HIP1: variants seen among roughly 807,000 people sequenced by gnomAD.
HIP1 encodes huntingtin interacting protein 1, also known as huntingtin-interacting protein 1.
Under a neutral mutation model 147.6 loss-of-function variants are expected in HIP1, and 65 were observed. The ratio of observed to expected loss-of-function variants is 0.44; its 90% CI spans 0.36 to 0.54. The LOEUF (loss-of-function observed/expected upper bound fraction) is 0.54, where lower values mean the gene tolerates loss of function less well. HIP1 is among the 20% of genes least tolerant of loss of function. The probability of loss-of-function intolerance (pLI) is 0.00; values close to 1 mark genes in which losing one functional copy is unlikely to be tolerated. For synonymous variants in HIP1, 479 were observed against 504.0 expected, an observed-to-expected ratio of 0.95 and a Z score of 0.67; for missense variants, 1,061 against 1,299.6, an observed-to-expected ratio of 0.82 and a Z score of 2.82.
intron 1 of HIP1, among the ~76,000 whole-genome samples, chr7:75,705,523 G>A (rs531980342): frequency 2.0e-5 from 3 of 151,958 alleles, no homozygotes; most frequent in East Asian, 1.9e-4. Flanking sequence ...GCCCACCACC[G>A]TGCCTGGCTG....
chr7:75,700,049 C>A (rs1554519072), intron 1 of HIP1, among the ~76,000 whole-genome samples: 1 of 152,136 alleles, frequency 6.6e-6, no homozygotes, highest in East Asian at 1.9e-4. Context: ...TAGGGTTTTG[C>A]CATGCTGGCC....
intron 1 of HIP1, among the ~76,000 whole-genome samples, chr7:75,607,228 G>GTT (rs202211589): frequency 4.7e-4 from 66 of 139,452 alleles, no homozygotes; most frequent in African/African-American, 1.6e-3. Flanking sequence ...GTTGTTTTTT[G>GTT]TTTTGTTTTT....
chr7:75,535,307 G>A lies in HIP1; in HGVS notation c.*2865C>T, dbSNP rs1424460339. ...CTGTCACTCAGGCTGGAGTGCAGTG[G>A]GAAATCATGGCTCATTGCAGCCTCA... On this transcript the variant is annotated 3_prime_UTR_variant, in exon 31 of 31. Coordinates refer to ENST00000336926, the MANE Select transcript of HIP1 (RefSeq NM_005338.7). 1.0e-5 allele frequency: 2 copies of A among 198,266 alleles called. No individual in the cohort carries two copies. The highest frequency in any genetic ancestry group is 6.0e-5 in the Admixed American group (1 of 16,538). 12.3% of individuals were successfully genotyped at this position (198,266 alleles called of 1,614,324 possible).
chr7:75,597,680 C>T (rs1796796159), intron 2 of HIP1, among the ~76,000 whole-genome samples: 1 of 136,794 alleles, frequency 7.3e-6, no homozygotes, highest in African/African-American at 2.8e-5. Context: ...GCGGAGGTTG[C>T]GGTGAGCTGA....
rs370470973 is a variant in HIP1 at position 75,669,201 on chromosome 7, T to TA, written c.120+69599dup. On this transcript the variant is annotated intron_variant, in intron 1 of 30. Coordinates refer to ENST00000336926, the MANE Select transcript of HIP1 (RefSeq NM_005338.7). ...TAACATGGTGAAACCCTGTCTATACTAAAAAAAAAAAAATACAAAAAATTA... is the reference window on the plus strand; with the variant it reads ...TAACATGGTGAAACCCTGTCTATACTAAAAAAAAAAAAAATACAAAAAATTA... Among the ~76,000 whole-genome samples the TA allele has an allele frequency of 2.6e-4, 39 of 149,802 alleles. 1 individual carries two copies. The East Asian group carries it at 4.4e-3, about 17-fold the overall frequency.
intron 4 of HIP1, among the ~76,000 whole-genome samples, chr7:75,591,533 C>T (rs1449096280): frequency 6.6e-6 from 1 of 151,918 alleles, no homozygotes; most frequent in Non-Finnish European, 1.5e-5. Flanking sequence ...ATTGGGTATG[C>T]TAATTCTAAT....
chr7:75,674,531 C>T (rs558963491), intron 1 of HIP1, among the ~76,000 whole-genome samples: 63 of 143,016 alleles, frequency 4.4e-4, no homozygotes, highest in East Asian at 3.1e-3. Context: ...CTCACTCTGT[C>T]GCCTAGGCTG....
At chr7:75,611,692 A>ACAT in intron 1 of HIP1, 1 of 1,026,614 alleles carries the variant, frequency 9.7e-7, no homozygotes, top group Non-Finnish European at 1.2e-6. Flanking sequence ...GGGTTAGGGA[A>ACAT]CATCATCTGA....
chr7:75,641,904 C>G (rs1413146764), intron 1 of HIP1, among the ~76,000 whole-genome samples: 3 of 152,196 alleles, frequency 2.0e-5, no homozygotes, highest in Admixed American at 2.0e-4. Context: ...ACAATCCCCG[C>G]TCCCACTCCA....
chr7:75,616,979 C>T (rs974573568), intron 1 of HIP1, among the ~76,000 whole-genome samples: 4 of 151,980 alleles, frequency 2.6e-5, no homozygotes, highest in South Asian at 2.1e-4. Flanking sequence ...AATCATGGCT[C>T]ATTGCAGCCT....
chr7:75,620,154 G>A (rs1430689922), intron 1 of HIP1, among the ~76,000 whole-genome samples: 1 of 152,202 alleles, frequency 6.6e-6, no homozygotes, highest in Non-Finnish European at 1.5e-5. Context: ...GGAGGCCAAG[G>A]TGGGTGGATT....
chr7:75,588,628 G>T (rs1401110204), intron 4 of HIP1, among the ~76,000 whole-genome samples: 2 of 151,884 alleles, frequency 1.3e-5, no homozygotes, highest in Non-Finnish European at 2.9e-5. Context: ...ACAAAAATTA[G>T]CTGGGTTTGG....
rs550763043 is a variant in HIP1 at position 75,659,636 on chromosome 7, G to A, written c.121-60389C>T. 4.6e-5 allele frequency among the ~76,000 whole-genome samples: 7 copies of A among 151,986 alleles called. No individual in the cohort carries two copies. The East Asian group carries it at 7.8e-4, about 17-fold the overall frequency. ...TGGACTCCAGCCTGGGTGACAGAGC[G>A]AGACTCCATTTCAAAGAGAAAAAAA... On this transcript the variant is annotated intron_variant, in intron 1 of 30. Transcript: ENST00000336926.
chr7:75,591,089 G>C (rs1481490721), intron 4 of HIP1, among the ~76,000 whole-genome samples: 3 of 151,178 alleles, frequency 2.0e-5, no homozygotes, highest in African/African-American at 7.3e-5. Context: ...CTGGAGTGCA[G>C]TGGCCCAATC....
chr7:75,715,807 A>C (rs1801299978), intron 1 of HIP1, among the ~76,000 whole-genome samples: 1 of 145,442 alleles, frequency 6.9e-6, no homozygotes, highest in African/African-American at 2.5e-5. Flanking sequence ...AAAGATGTCT[A>C]TCTGGCTCAC....
intron 13 of HIP1, 133 bp downstream of exon 13, chr7:75,561,196 C>T (rs1346685108): frequency 9.3e-6 from 7 of 754,622 alleles, no homozygotes; most frequent in Non-Finnish European, 1.7e-5. Context: ...TCAGGTAATC[C>T]TCCTGCCTTG....
chr7:75,698,237 T>C (rs1411798290), intron 1 of HIP1, among the ~76,000 whole-genome samples: 1 of 152,152 alleles, frequency 6.6e-6, no homozygotes, highest in African/African-American at 2.4e-5. Flanking sequence ...AGATAATATT[T>C]AGAGGGCTCA....
rs797036784 is a variant in HIP1 at position 75,647,819 on chromosome 7, AT to A, written c.121-48573del. On this transcript the variant is annotated intron_variant, in intron 1 of 30. Coordinates refer to ENST00000336926, the MANE Select transcript of HIP1 (RefSeq NM_005338.7). ...GGACGGAGCTGTGAAAGGGAAGATCATGGGTGCAGTGTGCTTGAAGAGGTGG... is the reference window on the plus strand; with the variant it reads ...GGACGGAGCTGTGAAAGGGAAGATCAGGGTGCAGTGTGCTTGAAGAGGTGG... 7.9e-5 allele frequency among the ~76,000 whole-genome samples: 12 copies of A among 152,330 alleles called. 1 individual carries two copies. Among genetic ancestry groups the A allele is most frequent in the African/African-American group, 2.9e-4 (12 of 41,588 alleles).
chr7:75,626,885 A>G, intron 1 of HIP1: 1 of 123,978 alleles, frequency 8.1e-6, no homozygotes, highest in East Asian at 2.2e-4. Context: ...GCATGCACAC[A>G]AACACACACA....
Sources: allele counts gnomAD v4.1 joint callset (sites outside exome capture counted in the v4.1 genomes callset), GRCh38; gene constraint gnomAD v4.1.1; transcripts MANE v1.5; gene names NCBI Gene and HGNC (gene_info 2026-07-23, HGNC 2026-07-21).